DCLK1: variants seen among roughly 807,000 people sequenced by gnomAD.
DCLK1 encodes serine/threonine-protein kinase DCLK1.
In DCLK1, 16 loss-of-function variants were observed where a neutral mutation model predicts 86.2. The ratio of observed to expected loss-of-function variants is 0.19; its 90% CI spans 0.13 to 0.28. DCLK1 has a LOEUF of 0.28. Ranked by LOEUF, DCLK1 falls within the 10% of genes least tolerant of loss-of-function variation. The pLI, the probability that DCLK1 is intolerant of heterozygous loss-of-function variation, is 1.00. For missense variants in DCLK1, 590 were observed against 940.2 expected (o/e 0.63, Z 4.87); for synonymous variants, 369 against 370.5 (o/e 1.00, Z 0.05).
intron 3 of DCLK1, among the ~76,000 whole-genome samples, chr13:36,009,725 T>G (rs1191713345): frequency 1.7e-5 from 2 of 115,744 alleles, no homozygotes; most frequent in Non-Finnish European, 3.5e-5. Context: ...TTTGGTTCCA[T>G]ATGAACTTTA....
At chr13:36,051,070 G>A (rs1883106108) in intron 3 of DCLK1, among the ~76,000 whole-genome samples, 1 of 152,130 alleles carries the variant, frequency 6.6e-6, no homozygotes, top group African/African-American at 2.4e-5. Context: ...AAGTGCTTAA[G>A]GGCCAAAGTA....
At chr13:35,921,384 C>T (rs1212831527) in intron 4 of DCLK1, among the ~76,000 whole-genome samples, 1 of 152,126 alleles carries the variant, frequency 6.6e-6, no homozygotes, top group East Asian at 1.9e-4. Context: ...CCCCTACATA[C>T]CCATGGAGCA....
chr13:35,894,841 C>T (rs1288969171), intron 4 of DCLK1, among the ~76,000 whole-genome samples: 1 of 152,204 alleles, frequency 6.6e-6, no homozygotes, highest in South Asian at 2.1e-4. Flanking sequence ...TGACCATGAC[C>T]TCTATTTTCA....
chr13:35,941,531 T>C (rs565439065), intron 4 of DCLK1, among the ~76,000 whole-genome samples: 2 of 152,258 alleles, frequency 1.3e-5, no homozygotes, highest in African/African-American at 4.8e-5. Context: ...AGAACTGGTA[T>C]TTCCTGGAGA....
At position 35,773,851 on chromosome 13, in the gene DCLK1, T is replaced by A. The variant is rs2086374677; in HGVS notation, c.*684A>T. Reference sequence around the variant, plus strand: ...AGTACATCTTCATGTGGAGACAATTTGGGGGGCACCATCTATTTCCTGGGT... The same window carrying A: ...AGTACATCTTCATGTGGAGACAATTAGGGGGGCACCATCTATTTCCTGGGT... On this transcript the variant is annotated 3_prime_UTR_variant, in exon 17 of 17. Coordinates refer to ENST00000360631, the MANE Select transcript of DCLK1 (RefSeq NM_001330071.2). The A allele has an allele frequency of 6.9e-6, 1 of 145,856 alleles. No individual in the cohort carries two copies. The highest frequency in any genetic ancestry group is 6.7e-5 in the Admixed American group (1 of 14,838). 9.0% of individuals were successfully genotyped at this position (145,856 alleles called of 1,614,324 possible).
At chr13:35,862,084 T>C (rs997020163) in intron 5 of DCLK1, among the ~76,000 whole-genome samples, 2 of 149,100 alleles carry the variant, frequency 1.3e-5, no homozygotes, top group African/African-American at 4.9e-5. Context: ...CCCCCATGCA[T>C]GGTTCCATTT....
At chr13:36,050,993 G>T (rs1033086993) in intron 3 of DCLK1, among the ~76,000 whole-genome samples, 6 of 152,102 alleles carry the variant, frequency 3.9e-5, no homozygotes, top group African/African-American at 1.4e-4. Context: ...TCACAACAAT[G>T]ATACATCAGC....
intron 15 of DCLK1, among the ~76,000 whole-genome samples, chr13:35,803,755 G>C (rs969240578): frequency 6.6e-6 from 1 of 152,178 alleles, no homozygotes; most frequent in Non-Finnish European, 1.5e-5. Flanking sequence ...TACTCACCAA[G>C]GTGGCAATTC....
chr13:35,987,464 C>T (rs1221143269), intron 3 of DCLK1, among the ~76,000 whole-genome samples: 1 of 152,116 alleles, frequency 6.6e-6, no homozygotes, highest in Non-Finnish European at 1.5e-5. Context: ...CATCTTTTCA[C>T]ACGTATTGTC....
intron 4 of DCLK1, among the ~76,000 whole-genome samples, chr13:35,884,516 A>C (rs943729615): frequency 7.2e-5 from 11 of 152,238 alleles, no homozygotes; most frequent in African/African-American, 2.7e-4. Context: ...GAATTCCTCC[A>C]AGAGAAAAGA....
rs144368647 is a variant in DCLK1 at position 35,828,940 on chromosome 13, T to C, written c.1230-633A>G. ...CCTCAGTTCAGTGTGAGAGCCTGTG[T>C]GAGTTCCGCTGGAGAACTCATAGAT... On this transcript the variant is annotated intron_variant, in intron 8 of 16. Transcript: ENST00000360631. Among the ~76,000 whole-genome samples the C allele has an allele frequency of 1.4e-3, 211 of 152,318 alleles. 2 individuals carry two copies. The highest frequency in any genetic ancestry group is 4.6e-3 in the African/African-American group (190 of 41,576).
chr13:36,050,721 T>C (rs545739393), intron 3 of DCLK1, among the ~76,000 whole-genome samples: 1 of 152,308 alleles, frequency 6.6e-6, no homozygotes, highest in South Asian at 2.1e-4. Context: ...ATTATAGGAT[T>C]TGCACTAGTG....
At position 35,827,663 on chromosome 13, in the gene DCLK1, T is replaced by C. The variant is rs771132885; in HGVS notation, c.1379A>G (p.Glu460Gly). The change falls in exon 10 of 17, where the codon GAA becomes GGA. Residue 460 changes from glutamate (E) to glycine (G), a missense_variant. Around this residue, in one of 6 missense-constraint regions of DCLK1, gnomAD observed 108 missense variants for 195.7 expected, o/e 0.55. Transcript: ENST00000360631. ...LLIEEMDVPT[E>G]LYLVMELVKG... The stretch of plus-strand genomic sequence containing the variant: ...TACTAATTCCATGACAAGATACAGT[T>C]CAGTTGGCACATCCATCTCCTCAAT... The C allele has an allele frequency of 1.9e-6, 3 of 1,614,046 alleles. No homozygotes were observed. Among genetic ancestry groups the C allele is most frequent in the Non-Finnish European group, 2.5e-6 (3 of 1,180,006 alleles).
At chr13:35,835,982 A>G (rs1488988580) in intron 8 of DCLK1, 51 bp downstream of exon 8, 1 of 1,328,792 alleles carries the variant, frequency 7.5e-7, no homozygotes, top group Non-Finnish European at 1.1e-6. Context: ...CTTGGAAAAC[A>G]TAACGCCAAA....
rs184053970 is a variant in DCLK1 at position 36,060,648 on chromosome 13, C to A, written c.723+51221G>T. The stretch of plus-strand genomic sequence containing the variant: ...TGCACTCTGCAAGTGCATACAGCAG[C>A]AAAATAACCAACAAATAGTTAATAA... On this transcript the variant is annotated intron_variant, in intron 3 of 16. Transcript: ENST00000360631. 3.6e-3 allele frequency among the ~76,000 whole-genome samples: 554 copies of A among 151,952 alleles called. 7 individuals carry two copies. Among genetic ancestry groups the A allele is most frequent in the Non-Finnish European group, 3.3e-3 (222 of 67,972 alleles).
intron 8 of DCLK1, among the ~76,000 whole-genome samples, chr13:35,835,631 T>C (rs1239819830): frequency 6.6e-6 from 1 of 152,232 alleles, no homozygotes; most frequent in Non-Finnish European, 1.5e-5. Flanking sequence ...CTTTTCAAGA[T>C]GATCGTGTAT....
At chr13:36,035,564 T>C (rs1269639360) in intron 3 of DCLK1, among the ~76,000 whole-genome samples, 1 of 152,176 alleles carries the variant, frequency 6.6e-6, no homozygotes, top group Non-Finnish European at 1.5e-5. Flanking sequence ...TTGAAAACAG[T>C]GTCTCGCTCT....
chr13:35,850,949 C>G (rs1870581847), intron 6 of DCLK1, among the ~76,000 whole-genome samples: 1 of 152,146 alleles, frequency 6.6e-6, no homozygotes, highest in Non-Finnish European at 1.5e-5. Flanking sequence ...TCTAAATAAA[C>G]AAAATGGTGC....
At chr13:35,850,578 C>A in intron 6 of DCLK1, 1 of 1,268,396 alleles carries the variant, frequency 7.9e-7, no homozygotes, top group Non-Finnish European at 1.0e-6. Context: ...AAAATGCATA[C>A]ATATTTACTT....
Sources: allele counts gnomAD v4.1 joint callset (sites outside exome capture counted in the v4.1 genomes callset), GRCh38; gene constraint gnomAD v4.1.1; regional missense constraint gnomAD v4.1.1; transcripts MANE v1.5; gene names NCBI Gene and HGNC (gene_info 2026-07-23, HGNC 2026-07-21).